The following GP9 variants were observed in gnomAD, a reference collection of about 807,000 sequenced individuals.
GP9 encodes the protein platelet glycoprotein IX.
For synonymous variants in GP9, 116 were observed against 116.7 expected, an observed-to-expected ratio of 0.99 and a Z score of 0.04; for missense variants, 228 against 241.8, an observed-to-expected ratio of 0.94 and a Z score of 0.38.
upstream of GP9, among the ~76,000 whole-genome samples, chr3:129,055,851 G>A (rs1181614614): frequency 6.6e-6 from 1 of 152,020 alleles, no homozygotes; most frequent in East Asian, 1.9e-4. Context: ...CATCATGTTG[G>A]CCAGGCTGGT....
chr3:129,062,081 C>T lies in GP9; in HGVS notation c.342C>T (p.Ala114=), dbSNP rs887132252. 31 of 1,609,466 alleles carry T rather than the reference C, an allele frequency of 1.9e-5. No homozygotes were observed. The highest frequency in any genetic ancestry group is 2.4e-5 in the Non-Finnish European group (28 of 1,178,590). ...AGGCCCTGCTGCAGGTCCGCTGTGC[C>T]AGCCCCAGCCTCGCTGCCCATGGCC... ...TPEALLQVRC[A]SPSLAAHGPL... is the part of the protein sequence containing the mutation. Residue 114 remains alanine, a synonymous_variant, in exon 3 of 3, where the codon GCC becomes GCT. Coordinates refer to ENST00000307395, the MANE Select transcript of GP9 (RefSeq NM_000174.5).
chr3:129,060,318 C>T (rs1946560195), upstream of GP9, among the ~76,000 whole-genome samples: 1 of 152,196 alleles, frequency 6.6e-6, no homozygotes, highest in Non-Finnish European at 1.5e-5. Context: ...GAAGAGACTC[C>T]GTCCTTGAGT....
chr3:129,057,127 A>G (rs1466028667), upstream of GP9, among the ~76,000 whole-genome samples: 1 of 152,192 alleles, frequency 6.6e-6, no homozygotes, highest in Non-Finnish European at 1.5e-5. Context: ...GGTGCTGGGG[A>G]GGGAAGAGTT....
upstream of GP9, among the ~76,000 whole-genome samples, chr3:129,060,491 A>C (rs1436439122): frequency 6.6e-6 from 1 of 152,252 alleles, no homozygotes; most frequent in Non-Finnish European, 1.5e-5. Flanking sequence ...AACAACCAGC[A>C]GAGCCACGTT....
intron 1 of GP9, among the ~76,000 whole-genome samples, chr3:129,061,281 A>T (rs1946572084): frequency 6.6e-6 from 1 of 152,010 alleles, no homozygotes; most frequent in South Asian, 2.1e-4. Context: ...TGCATCTGGG[A>T]ATCAGGTAAC....
At chr3:129,060,340 G>A (rs999057879), upstream of GP9, among the ~76,000 whole-genome samples, 4 of 152,230 alleles carry the variant, frequency 2.6e-5, no homozygotes, top group African/African-American at 7.2e-5. Context: ...TACAGGAGGA[G>A]GGAGGAGAGT....
upstream of GP9, among the ~76,000 whole-genome samples, chr3:129,059,765 C>A (rs1946555646): frequency 6.6e-6 from 1 of 152,142 alleles, no homozygotes; most frequent in South Asian, 2.1e-4. Flanking sequence ...CCTGCTTGGC[C>A]ATGCAGGAGG....
chr3:129,061,870 C>T lies in GP9; in HGVS notation c.131C>T (p.Thr44Met), dbSNP rs750293970. 6.9e-5 allele frequency: 112 copies of T among 1,612,624 alleles called. No homozygotes were observed. The highest frequency in any genetic ancestry group is 3.3e-4 in the Middle Eastern group (2 of 6,080). Residue 44 changes from threonine (T) to methionine (M), a missense_variant, in exon 3 of 3, where the codon ACG (threonine) becomes ATG (methionine). By Grantham distance (81) the Thr-to-Met change is moderately conservative. Coordinates refer to ENST00000307395, the MANE Select transcript of GP9 (RefSeq NM_000174.5). ...GTGGACTGCAGGGGCCACGGACTCA[C>T]GGCCCTGCCTGCCCTGCCGGCCCGC... ...LWVDCRGHGL[T>M]ALPALPARTR...
chr3:129,059,830 ACCCCCGT>A (rs1310614685), upstream of GP9, among the ~76,000 whole-genome samples: 7 of 151,628 alleles, frequency 4.6e-5, no homozygotes, highest in African/African-American at 1.7e-4. Flanking sequence ...GCACACCCCC[ACCCCCGT>A]AGGGCCGAGG....
chr3:129,057,352 G>A (rs1463220292), upstream of GP9, among the ~76,000 whole-genome samples: 3 of 152,198 alleles, frequency 2.0e-5, no homozygotes, highest in Admixed American at 6.5e-5. Flanking sequence ...ATGATGATCA[G>A]GAGGAAGCCA....
chr3:129,056,162 A>T (rs1022863074), upstream of GP9, among the ~76,000 whole-genome samples: 2 of 152,230 alleles, frequency 1.3e-5, no homozygotes, highest in African/African-American at 4.8e-5. Context: ...AAGGTCACAG[A>T]GCAAGTAAGT....
rs767469270 is a variant in GP9, at chr3:129,061,914, G to A, written c.175G>A (p.Ala59Thr). 4 of 1,613,740 alleles carry A rather than the reference G, an allele frequency of 2.5e-6. No individual in the cohort carries two copies. Among genetic ancestry groups the A allele is most frequent in the South Asian group, 2.2e-5 (2 of 91,082 alleles). Residue 59 changes from alanine to threonine, a missense_variant, in exon 3 of 3, where the codon GCC (alanine) becomes ACC (threonine). Coordinates refer to ENST00000307395, the MANE Select transcript of GP9 (RefSeq NM_000174.5). The part of the protein sequence containing the change: ...LPARTRHLLL[A>T]NNSLQSVPPG... ...GGCCCGCACCCGCCACCTTCTGCTG[G>A]CCAACAACAGCCTTCAGTCCGTGCC... is the stretch of plus-strand genomic sequence containing the variant.
upstream of GP9, among the ~76,000 whole-genome samples, chr3:129,060,362 T>C (rs1393680726): frequency 6.6e-6 from 1 of 152,160 alleles, no homozygotes. Flanking sequence ...AAAAATGAAG[T>C]CACTCTCCCC....
upstream of GP9, among the ~76,000 whole-genome samples, chr3:129,057,025 C>T (rs1946527505): frequency 6.6e-6 from 1 of 152,244 alleles, no homozygotes; most frequent in South Asian, 2.1e-4. Context: ...AGACAGCAGT[C>T]CTGGCAAGAC....
upstream of GP9, among the ~76,000 whole-genome samples, chr3:129,058,638 G>A (rs1303718122): frequency 6.6e-6 from 1 of 152,208 alleles, no homozygotes; most frequent in Non-Finnish European, 1.5e-5. Context: ...ACAGGGTTCT[G>A]GAAACTCACC....
chr3:129,058,460 TG>T (rs1946540657), upstream of GP9, among the ~76,000 whole-genome samples: 1 of 152,228 alleles, frequency 6.6e-6, no homozygotes, highest in Non-Finnish European at 1.5e-5. Context: ...CAGCAGGATC[TG>T]GTTGAAACAA....
At chr3:129,061,416 C>T (rs1946573307) in intron 1 of GP9, 78 bp from the exon 2 acceptor site, 2 of 469,898 alleles carry the variant, frequency 4.3e-6, no homozygotes. Flanking sequence ...CCTCTCATCC[C>T]CAAGCAGGGG....
chr3:129,061,094 G>A lies in GP9; in HGVS notation c.-139+244G>A, dbSNP rs372563629. Among the ~76,000 whole-genome samples the A allele has an allele frequency of 1.8e-4, 27 of 152,318 alleles. 1 individual carries two copies. In the East Asian group the frequency reaches 4.2e-3, roughly 24 times the overall value. On this transcript the variant is annotated intron_variant, in intron 1 of 2. Coordinates refer to ENST00000307395, the MANE Select transcript of GP9 (RefSeq NM_000174.5). ...AACCAAACAGAGGGCCACGGTTGCC[G>A]AGACCCGAGTGTGAGTCTGGCCTCT... is the stretch of plus-strand genomic sequence containing the variant.
Position 129,061,619 on chromosome 3 carries a change from G to A in GP9, c.-13G>A, listed in dbSNP as rs1946575444. 5 of 820,630 alleles carry A rather than the reference G, an allele frequency of 6.1e-6. No homozygotes were observed. The highest frequency in any genetic ancestry group is 5.3e-5 in the East Asian group (2 of 37,726). 50.8% of individuals were successfully genotyped at this position (820,630 alleles called of 1,614,324 possible). A position where few individuals can be genotyped will look rare whatever the true frequency, so the allele number is the denominator to read the frequency against. On this transcript the variant is annotated splice_region_variant and 5_prime_UTR_variant, in exon 2 of 3. Transcript: ENST00000307395. ...GAGAAGGCTGAGACCCGAGAAGGGA[G>A]GTGAGTGCACCCCGTCCCATGTCAG...
Sources: allele counts gnomAD v4.1 joint callset (sites outside exome capture counted in the v4.1 genomes callset), GRCh38; gene constraint gnomAD v4.1.1; transcripts MANE v1.5; gene names NCBI Gene and HGNC (gene_info 2026-07-23, HGNC 2026-07-21).